Variants in MAP3K15 observed in about 807,000 individuals in gnomAD.
MAP3K15 encodes MAPK/ERK kinase kinase 15.
Under a neutral mutation model 99.5 loss-of-function variants are expected in MAP3K15, and 124 were observed. That is an observed-to-expected ratio of 1.25 (90% CI 1.08 to 1.45). The LOEUF is 1.45. MAP3K15 is among the 40% of genes most tolerant of loss of function. The pLI is 0.00. For synonymous variants in MAP3K15, 494 were observed against 439.6 expected, an observed-to-expected ratio of 1.12 and a Z score of -1.55; for missense variants, 1,242 against 1,079.7, an observed-to-expected ratio of 1.15 and a Z score of -2.11.
At chrX:19,377,416 T>G (rs1442012911) in intron 19 of MAP3K15, among the ~76,000 whole-genome samples, 1 of 111,085 alleles carries the variant, frequency 9.0e-6, no homozygotes. Context: ...TGGTGGCCCA[T>G]GCCTACAATC....
chrX:19,486,480 A>G lies in MAP3K15; in HGVS notation c.525+2T>C, dbSNP rs2064326388. On this transcript the variant is annotated splice_donor_variant, in intron 3 of 28. Coordinates refer to ENST00000338883, the MANE Select transcript of MAP3K15 (RefSeq NM_001001671.4). LOFTEE classifies it high-confidence loss of function. ...TAAAATTCTGAAAATGTTAATACTT[A>G]CTGTGTTTTTTTGAGTTACCATGTC... The G allele has an allele frequency of 1.5e-5, 13 of 839,226 alleles. No homozygotes were observed. The highest frequency in any genetic ancestry group is 1.9e-5 in the Non-Finnish European group (12 of 615,713). The allele number at this position is 839,226 out of a possible 1,213,427, so 69.2% of individuals were successfully genotyped here.
chrX:19,403,656 C>T (rs1440962697), intron 13 of MAP3K15, among the ~76,000 whole-genome samples: 4 of 104,582 alleles, frequency 3.8e-5, no homozygotes, highest in Non-Finnish European at 5.9e-5. Context: ...TTTGCAGAGA[C>T]GGGGTTTTAC....
chrX:19,389,677 A>T, intron 18 of MAP3K15, among the ~76,000 whole-genome samples: 1 of 112,203 alleles, frequency 8.9e-6, no homozygotes, highest in South Asian at 3.7e-4. Flanking sequence ...GCAAGGATGA[A>T]TTATACATGT....
At position 19,442,478 on chromosome X, in the gene MAP3K15, C is replaced by A. The variant is rs778056518; in HGVS notation, c.996-10870G>T. On this transcript the variant is annotated intron_variant, in intron 6 of 28. Coordinates refer to ENST00000338883, the MANE Select transcript of MAP3K15 (RefSeq NM_001001671.4). The stretch of plus-strand genomic sequence containing the variant: ...ATGTGGCTCTCTTCTAATACTATAC[C>A]ACAGTTGATCATTAGTCACTTCTTC... Among the ~76,000 whole-genome samples, 45 of 109,191 alleles carry A rather than the reference C, an allele frequency of 4.1e-4. No homozygotes were observed. The Middle Eastern group carries it at 0.019, about 46-fold the overall frequency. 94.8% of individuals were successfully genotyped at this position (109,191 alleles called of 115,157 possible). A position where few individuals can be genotyped will look rare whatever the true frequency, so the allele number is the denominator to read the frequency against.
chrX:19,414,599 A>G (rs773762214), intron 10 of MAP3K15, among the ~76,000 whole-genome samples: 149 of 112,740 alleles, frequency 1.3e-3, no homozygotes, highest in African/African-American at 4.6e-3. Context: ...TAACTTTTAA[A>G]TATCAATTAG....
chrX:19,508,529 A>G (rs1702629667), intron 1 of MAP3K15, among the ~76,000 whole-genome samples: 1 of 112,251 alleles, frequency 8.9e-6, no homozygotes, highest in Non-Finnish European at 1.9e-5. Flanking sequence ...ATGACACTGA[A>G]ATGAACACTA....
At chrX:19,438,170 T>C (rs931250740) in intron 6 of MAP3K15, among the ~76,000 whole-genome samples, 1 of 111,776 alleles carries the variant, frequency 8.9e-6, no homozygotes, top group Non-Finnish European at 1.9e-5. Context: ...CACTGAGTGG[T>C]GTGATCACGG....
intron 16 of MAP3K15, 144 bp from the exon 17 acceptor site, chrX:19,392,617 T>G: frequency 1.8e-6 from 1 of 555,695 alleles, no homozygotes; most frequent in South Asian, 3.1e-5. Flanking sequence ...ACATGTTTCC[T>G]CCCCTCTGTA....
At chrX:19,396,200 C>T (rs944010270) in intron 15 of MAP3K15, among the ~76,000 whole-genome samples, 1 of 111,958 alleles carries the variant, frequency 8.9e-6, no homozygotes, top group African/African-American at 3.2e-5. Context: ...TCCTAATCAC[C>T]TTTCGGTCCC....
chrX:19,442,481 A>G (rs995868371), intron 6 of MAP3K15, among the ~76,000 whole-genome samples: 1 of 107,630 alleles, frequency 9.3e-6, no homozygotes, highest in Admixed American at 1.0e-4. Flanking sequence ...ACTATACCAC[A>G]GTTGATCATT....
chrX:19,489,272 A>G (rs1318874127), intron 1 of MAP3K15, among the ~76,000 whole-genome samples: 1 of 111,416 alleles, frequency 9.0e-6, no homozygotes, highest in Non-Finnish European at 1.9e-5. Flanking sequence ...TTTAGCTTAT[A>G]TATGAGGCAT....
rs745892050 is a variant in MAP3K15 at position 19,382,264 on chromosome X, A to T, written c.2432-1987T>A. 1.4e-3 allele frequency among the ~76,000 whole-genome samples: 151 copies of T among 108,471 alleles called. No individual in the cohort carries two copies. The Middle Eastern group carries it at 0.014, about 10-fold the overall frequency. 94.2% of individuals were successfully genotyped at this position (108,471 alleles called of 115,157 possible). A position where few individuals can be genotyped will look rare whatever the true frequency, so the allele number is the denominator to read the frequency against. ...GTCTCCAAAAAAAAAAAAAAAAAAA[A>T]AAAGGAAAGCAAAGGGCGCACTGGC... On this transcript the variant is annotated intron_variant, in intron 18 of 28. Coordinates refer to ENST00000338883, the MANE Select transcript of MAP3K15 (RefSeq NM_001001671.4).
At chrX:19,444,437 C>G (rs938094334) in intron 6 of MAP3K15, among the ~76,000 whole-genome samples, 1 of 111,591 alleles carries the variant, frequency 9.0e-6, no homozygotes, top group Non-Finnish European at 1.9e-5. Flanking sequence ...TCTACGTGTG[C>G]AAAATCCAGA....
intron 18 of MAP3K15, among the ~76,000 whole-genome samples, chrX:19,391,674 C>CAAAAAAAAAAAAAAAAAAAAAAA (rs759061873): frequency 3.5e-5 from 1 of 28,529 alleles, no homozygotes; most frequent in Non-Finnish European, 7.1e-5. Flanking sequence ...GACCCCGTCT[C>CAAAAAAAAAAAAAAAAAAAAAAA]AAAAAAAAAA....
chrX:19,383,782 G>A (rs1216851194), intron 18 of MAP3K15, among the ~76,000 whole-genome samples: 1 of 111,863 alleles, frequency 8.9e-6, no homozygotes, highest in Non-Finnish European at 1.9e-5. Flanking sequence ...AAACCACAGT[G>A]AGATAGCATC....
chrX:19,462,070 T>C (rs1401617456), intron 4 of MAP3K15, among the ~76,000 whole-genome samples: 2 of 109,240 alleles, frequency 1.8e-5, no homozygotes, highest in African/African-American at 6.7e-5. Context: ...AACTGCAGAG[T>C]GTAAAATTAG....
At chrX:19,489,929 G>C (rs993888181) in intron 1 of MAP3K15, among the ~76,000 whole-genome samples, 3 of 110,401 alleles carry the variant, frequency 2.7e-5, no homozygotes, top group Non-Finnish European at 5.7e-5. Flanking sequence ...CCAGCTACTC[G>C]GGAGGCTAAG....
rs192096150 is a variant in MAP3K15 at position 19,494,465 on chromosome X, A to G, written c.362-5498T>C. ...GGACCTTGAAACACGCTAGTGTTAA[A>G]TAAGAAAGATGATGCATAGGACTTT... On this transcript the variant is annotated intron_variant, in intron 1 of 28. Coordinates refer to ENST00000338883, the MANE Select transcript of MAP3K15 (RefSeq NM_001001671.4). 4.5e-3 allele frequency among the ~76,000 whole-genome samples: 504 copies of G among 112,334 alleles called. 3 individuals carry two copies. Among genetic ancestry groups the G allele is most frequent in the Non-Finnish European group, 8.2e-3 (435 of 53,290 alleles).
rs2064495590 is a variant in MAP3K15, at chrX:19,508,552, A to G, written c.361+6349T>C. Among the ~76,000 whole-genome samples the G allele has an allele frequency of 2.7e-5, 3 of 112,284 alleles. No homozygotes were observed. In the South Asian group the frequency reaches 1.1e-3, roughly 41 times the overall value. On this transcript the variant is annotated intron_variant, in intron 1 of 28. Transcript: ENST00000338883. ...GAAATGAACACTAAAAATGGCCAAA[A>G]TAGTAAATTTTGTTATACATATTTT...
Sources: allele counts gnomAD v4.1 joint callset (sites outside exome capture counted in the v4.1 genomes callset), GRCh38; gene constraint gnomAD v4.1.1; transcripts MANE v1.5; gene names NCBI Gene and HGNC (gene_info 2026-07-23, HGNC 2026-07-21).